The following TRPC6 variants were observed in gnomAD, a reference collection of about 807,000 sequenced individuals.
TRPC6 encodes transient receptor potential cation channel subfamily C member 6.
A neutral mutation model predicts 90.7 loss-of-function variants in TRPC6; 55 were observed. That is an observed-to-expected ratio of 0.61 (90% confidence interval 0.49 to 0.76). The LOEUF is 0.76. TRPC6 is among the 30% of genes least tolerant of loss of function. The probability of loss-of-function intolerance (pLI) is 0.00; values close to 1 mark genes in which losing one functional copy is unlikely to be tolerated. For missense variants in TRPC6, 989 were observed against 1,122.7 expected (o/e 0.88, Z 1.70); for synonymous variants, 393 against 393.0 (o/e 1.00, Z 0.00).
intron 1 of TRPC6, among the ~76,000 whole-genome samples, chr11:101,542,821 C>T (rs1182395679): frequency 6.6e-6 from 1 of 151,932 alleles, no homozygotes; most frequent in Non-Finnish European, 1.5e-5. Flanking sequence ...GAACTTCAGA[C>T]TTCAACATAA....
At chr11:101,468,385 A>G (rs930818093) in intron 10 of TRPC6, among the ~76,000 whole-genome samples, 1 of 152,126 alleles carries the variant, frequency 6.6e-6, no homozygotes, top group African/African-American at 2.4e-5. Flanking sequence ...TGGATATCAG[A>G]TAGGCCTTAA....
intron 1 of TRPC6, among the ~76,000 whole-genome samples, chr11:101,537,504 A>C (rs923699693): frequency 9.9e-5 from 15 of 152,172 alleles, no homozygotes; most frequent in Non-Finnish European, 1.9e-4. Flanking sequence ...AAGTAACTAC[A>C]TCTTTAATGC....
intron 1 of TRPC6, among the ~76,000 whole-genome samples, chr11:101,518,888 A>C (rs1279598239): frequency 6.6e-6 from 1 of 152,230 alleles, no homozygotes; most frequent in Non-Finnish European, 1.5e-5. Flanking sequence ...GGCATTTGCA[A>C]CAACATGGAT....
intron 2 of TRPC6, among the ~76,000 whole-genome samples, chr11:101,502,574 A>G (rs1381908795): frequency 8.5e-5 from 13 of 152,258 alleles, no homozygotes; most frequent in Non-Finnish European, 1.9e-4. Flanking sequence ...TTAGTAATAT[A>G]GATTTTGAAA....
chr11:101,499,603 T>TATATATATATATATATAC (rs375026688), intron 2 of TRPC6, among the ~76,000 whole-genome samples: 1 of 68,724 alleles, frequency 1.5e-5, no homozygotes, highest in African/African-American at 6.8e-5. Context: ...TATACGTATA[T>TATATATATATATATATAC]ATGGTATATA....
chr11:101,545,118 A>G lies in TRPC6; in HGVS notation c.170+38216T>C, dbSNP rs566686747. On this transcript the variant is annotated intron_variant, in intron 1 of 12. Transcript: ENST00000344327. ...TCTTTATACACACACACATACACAC[A>G]TAAACACAAACATCATATACAGTCA... Among the ~76,000 whole-genome samples, 5 of 152,212 alleles carry G rather than the reference A, an allele frequency of 3.3e-5. 1 individual carries two copies. Among genetic ancestry groups the G allele is most frequent in the Non-Finnish European group, 5.9e-5 (4 of 68,042 alleles).
Position 101,455,028 on chromosome 11 carries a change from C to T in TRPC6, c.2558G>A (p.Arg853Lys). 6.2e-7 allele frequency: 1 copy of T among 1,611,718 alleles called. No individual in the cohort carries two copies. Residue 853 changes from arginine to lysine, a missense_variant, in exon 11 of 13, where the codon AGA becomes AAA. Arg to Lys is a conservative substitution (Grantham distance 26). Transcript: ENST00000344327. Reference sequence around the variant, plus strand: ...AAAATCCATGCTTACCTGATATTGTCTTGGAGGATTATTGAAACTATTTAG... The same window carrying T: ...AAAATCCATGCTTACCTGATATTGTTTTGGAGGATTATTGAAACTATTTAG... ...FHLNSFNNPP[R>K]QYQKIMKRLI...
chr11:101,539,983 T>A (rs1591121518), intron 1 of TRPC6, among the ~76,000 whole-genome samples: 1 of 152,358 alleles, frequency 6.6e-6, no homozygotes, highest in East Asian at 1.9e-4. Context: ...ATTATGTAAT[T>A]AATTATAGAT....
chr11:101,483,220 AACAC>A, intron 4 of TRPC6, 55 bp from the exon 5 acceptor site: 1 of 1,568,098 alleles, frequency 6.4e-7, no homozygotes, highest in Non-Finnish European at 8.8e-7. Context: ...CACTTTGCAA[AACAC>A]ACATACATAC....
intron 4 of TRPC6, among the ~76,000 whole-genome samples, chr11:101,488,667 C>T (rs1422245378): frequency 1.3e-5 from 2 of 152,050 alleles, no homozygotes; most frequent in Non-Finnish European, 2.9e-5. Flanking sequence ...TACTGAGTAT[C>T]CTTTCACACA....
At chr11:101,516,204 G>A (rs1389589280) in intron 1 of TRPC6, among the ~76,000 whole-genome samples, 1 of 151,576 alleles carries the variant, frequency 6.6e-6, no homozygotes, top group Non-Finnish European at 1.5e-5. Context: ...TGAACTGATT[G>A]ATACATAGAA....
At chr11:101,467,936 A>G (rs540825654) in intron 10 of TRPC6, among the ~76,000 whole-genome samples, 2 of 152,236 alleles carry the variant, frequency 1.3e-5, no homozygotes, top group South Asian at 4.1e-4. Flanking sequence ...CTTATTTTCC[A>G]TTTCTTAAAT....
At position 101,451,669 on chromosome 11, in the gene TRPC6, G is replaced by T. The variant is rs1346571034; in HGVS notation, c.*1286C>A. ...ATTTTCAGCTGTATTTTCTGATCTG[G>T]TTACATAAATGTTCTTTGATTTAAA... On this transcript the variant is annotated 3_prime_UTR_variant, in exon 13 of 13. Transcript: ENST00000344327. 6.6e-6 allele frequency: 1 copy of T among 152,090 alleles called. No homozygotes were observed. The highest frequency in any genetic ancestry group is 6.6e-5 in the Admixed American group (1 of 15,264). The allele number at this position is 152,090 out of a possible 1,614,324, so 9.4% of individuals were successfully genotyped here.
intron 3 of TRPC6, 48 bp from the exon 4 acceptor site, chr11:101,489,149 A>T: frequency 6.4e-7 from 1 of 1,556,322 alleles, no homozygotes; most frequent in Non-Finnish European, 8.9e-7. Flanking sequence ...AGAAAGGTTC[A>T]GCATAAACGA....
chr11:101,564,065 G>A lies in TRPC6; in HGVS notation c.170+19269C>T, dbSNP rs148408073. 5.7e-3 allele frequency among the ~76,000 whole-genome samples: 846 copies of A among 147,740 alleles called. 2 individuals are homozygous for A. The highest frequency in any genetic ancestry group is 7.1e-3 in the Non-Finnish European group (475 of 67,064). On this transcript the variant is annotated intron_variant, in intron 1 of 12. Transcript: ENST00000344327. ...AGAATCCAATGTGAGACATCAGTTC[G>A]TAAAGAAAAAAAAAAAAAGACTGAC...
rs144927067 is a variant in TRPC6, at chr11:101,471,213, T to G, written c.2379A>C (p.Lys793Asn). 7.4e-6 allele frequency: 12 copies of G among 1,613,686 alleles called. No homozygotes were observed. Among genetic ancestry groups the G allele is most frequent in the African/African-American group, 1.3e-5 (1 of 74,918 alleles). ...WISELFQGHK[K>N]GFQEDAEMNK... ...TCATCTCTGCATCTTCCTGGAAACCTTTTTTATGGCCCTGGAACAGCTCAG... is the reference window on the plus strand; with the variant it reads ...TCATCTCTGCATCTTCCTGGAAACCGTTTTTATGGCCCTGGAACAGCTCAG... The change falls in exon 9 of 13, where the codon AAA (lysine) becomes AAC (asparagine). Residue 793 changes from lysine to asparagine, a missense_variant. Lys to Asn is a moderately conservative substitution (Grantham distance 94, BLOSUM62 0). This residue lies in a region of TRPC6 where 191 missense variants were observed against 196.7 expected (regional missense o/e 0.97). Transcript: ENST00000344327.
intron 2 of TRPC6, among the ~76,000 whole-genome samples, chr11:101,493,720 T>C (rs538303575): frequency 1.3e-5 from 2 of 152,324 alleles, no homozygotes; most frequent in Admixed American, 1.3e-4. Context: ...TTAAAGTTAG[T>C]TGTCTTCTCT....
chr11:101,558,211 ATGT>A, intron 1 of TRPC6, among the ~76,000 whole-genome samples: 1 of 112,330 alleles, frequency 8.9e-6, no homozygotes, highest in South Asian at 2.6e-4. Flanking sequence ...GTGTGTATAC[ATGT>A]ATATATGTAT....
At chr11:101,525,541 A>C (rs1400737433) in intron 1 of TRPC6, among the ~76,000 whole-genome samples, 2 of 152,254 alleles carry the variant, frequency 1.3e-5, no homozygotes, top group Non-Finnish European at 2.9e-5. Flanking sequence ...ATGAGTATGA[A>C]TTAGCCAGGT....
Sources: gnomAD v4.1 joint callset for allele counts (sites outside exome capture counted in the v4.1 genomes callset) on GRCh38, gnomAD v4.1.1 for gene constraint, gnomAD v4.1.1 regional missense constraint, MANE v1.5 for transcripts, NCBI Gene and HGNC (gene_info 2026-07-23, HGNC 2026-07-21) for gene names.